The following ERBIN variants were observed in gnomAD, a reference collection of about 807,000 sequenced individuals.
The protein encoded by ERBIN is densin-180-like protein.
In ERBIN, 60 loss-of-function variants were observed where a neutral mutation model predicts 158.4. That is an observed-to-expected ratio of 0.38 (90% CI 0.31 to 0.47). The LOEUF (loss-of-function observed/expected upper bound fraction) is 0.47. ERBIN is among the 20% of genes least tolerant of loss of function. The pLI is 0.99. For synonymous variants in ERBIN, 594 were observed against 557.2 expected, an observed-to-expected ratio of 1.07 and a Z score of -0.93; for missense variants, 1,610 against 1,648.0, an observed-to-expected ratio of 0.98 and a Z score of 0.40.
chr5:66,023,698 CAG>C (rs1348128977), intron 9 of ERBIN, among the ~76,000 whole-genome samples: 2 of 136,254 alleles, frequency 1.5e-5, no homozygotes, highest in African/African-American at 5.6e-5. Context: ...TTTTTTGAGA[CAG>C]AGTCTCGCTC....
At chr5:65,999,830 T>C (rs982841123) in intron 4 of ERBIN, among the ~76,000 whole-genome samples, 1 of 152,362 alleles carries the variant, frequency 6.6e-6, no homozygotes, top group East Asian at 1.9e-4. Flanking sequence ...GTATTAGTGC[T>C]TGGTGGTGCC....
intron 1 of ERBIN, among the ~76,000 whole-genome samples, chr5:65,949,971 A>G (rs1381159886): frequency 6.6e-6 from 1 of 150,680 alleles, no homozygotes; most frequent in Non-Finnish European, 1.5e-5. Context: ...TACAGTATGC[A>G]GGAACCTAAA....
chr5:65,952,065 C>G (rs251608), intron 1 of ERBIN, among the ~76,000 whole-genome samples: 1 of 152,022 alleles, frequency 6.6e-6, no homozygotes, highest in Admixed American at 6.5e-5. Flanking sequence ...CATTAGGACT[C>G]ATGTTCTGTG....
intron 21 of ERBIN, among the ~76,000 whole-genome samples, chr5:66,062,759 G>A (rs1265608879): frequency 6.6e-6 from 1 of 152,166 alleles, no homozygotes; most frequent in Non-Finnish European, 1.5e-5. Context: ...CCTTCTAATA[G>A]TCACAACCCT....
chr5:66,078,784 AAACCT>A lies in ERBIN; in HGVS notation c.*255_*259del. 2.4e-6 allele frequency: 1 copy of A among 419,930 alleles called. No individual in the cohort carries two copies. The highest frequency in any genetic ancestry group is 4.2e-6 in the Non-Finnish European group (1 of 237,934). 26.0% of individuals were successfully genotyped at this position (419,930 alleles called of 1,614,324 possible). A position where few individuals can be genotyped will look rare whatever the true frequency, so the allele number is the denominator to read the frequency against. On this transcript the variant is annotated 3_prime_UTR_variant, in exon 26 of 26. Transcript: ENST00000284037. The stretch of plus-strand genomic sequence containing the variant: ...ACATAGCAATCAAGGCTACAAAAAC[AAACCT>A]GTGTTGTTTTTGTATAGATTGTAGG...
Position 66,025,934 on chromosome 5 carries a change from C to CTT in ERBIN, c.980_981dup (p.Ala328LeufsTer21). The CTT allele has an allele frequency of 6.3e-7, 1 of 1,593,840 alleles. No individual in the cohort carries two copies. Among genetic ancestry groups the CTT allele is most frequent in the Non-Finnish European group, 8.5e-7 (1 of 1,171,600 alleles). ...ATTGGGCAGCTTACTAACTTAAGAACTTTTGCTGCTGATCATAATTACTTA... is the reference window on the plus strand; with the variant it reads ...ATTGGGCAGCTTACTAACTTAAGAACTTTTTTGCTGCTGATCATAATTACTTA... On this transcript the variant is annotated frameshift_variant, in exon 12 of 26. Coordinates refer to ENST00000284037, the MANE Select transcript of ERBIN (RefSeq NM_001253697.2). LOFTEE classifies it high-confidence loss of function.
At chr5:65,959,003 A>G (rs956754833) in intron 1 of ERBIN, among the ~76,000 whole-genome samples, 2 of 152,208 alleles carry the variant, frequency 1.3e-5, no homozygotes, top group African/African-American at 4.8e-5. Context: ...CCCCATTATA[A>G]GACAAGGAGC....
rs1368811367 is a variant in ERBIN at position 65,940,569 on chromosome 5, C to CTACT, written c.-58+13763_-58+13764insTACT. On this transcript the variant is annotated intron_variant, in intron 1 of 25. Transcript: ENST00000284037. ...GCCGCCCCGTCCGGGAGGTGAGGGG[C>CTACT]GCCTCTGCCCGGCCGCCCCTACTGG... 1.3e-3 allele frequency among the ~76,000 whole-genome samples: 162 copies of CTACT among 121,142 alleles called. 8 individuals carry two copies. Among genetic ancestry groups the CTACT allele is most frequent in the African/African-American group, 5.4e-3 (139 of 25,522 alleles). The allele number at this position is 121,142 out of a possible 152,430, so 79.5% of individuals were successfully genotyped here.
At chr5:65,981,324 TAAAG>T (rs981003931) in intron 1 of ERBIN, among the ~76,000 whole-genome samples, 3 of 151,962 alleles carry the variant, frequency 2.0e-5, no homozygotes, top group South Asian at 2.1e-4. Flanking sequence ...TAAAGTTTAA[TAAAG>T]AAACAAGGAT....
intron 1 of ERBIN, among the ~76,000 whole-genome samples, chr5:65,940,517 G>C (rs1312487097): frequency 1.0e-5 from 1 of 100,102 alleles, no homozygotes; most frequent in Non-Finnish European, 2.1e-5. Context: ...GGAGGGAGGT[G>C]GGGGGGGTCA....
At chr5:65,966,207 A>G (rs558122458) in intron 1 of ERBIN, among the ~76,000 whole-genome samples, 1 of 152,350 alleles carries the variant, frequency 6.6e-6, no homozygotes, top group Non-Finnish European at 1.5e-5. Flanking sequence ...AAAGTGTATT[A>G]CATGACTCAT....
intron 4 of ERBIN, among the ~76,000 whole-genome samples, chr5:65,997,007 A>G (rs1283254163): frequency 6.6e-6 from 1 of 151,070 alleles, no homozygotes; most frequent in Non-Finnish European, 1.5e-5. Context: ...AATTTATTCT[A>G]ACAGTATTTT....
At chr5:66,048,931 C>G in intron 19 of ERBIN, 150 bp downstream of exon 19, 1 of 536,100 alleles carries the variant, frequency 1.9e-6, no homozygotes, top group Non-Finnish European at 3.3e-6. Context: ...CTCTTTCCTT[C>G]TCTCTCATTT....
At chr5:66,021,627 A>G (rs756229106) in intron 8 of ERBIN, among the ~76,000 whole-genome samples, 37 of 151,980 alleles carry the variant, frequency 2.4e-4, no homozygotes, top group Non-Finnish European at 5.3e-4. Context: ...AAGAGATACT[A>G]AACAATTTTT....
intron 25 of ERBIN, among the ~76,000 whole-genome samples, chr5:66,077,786 A>AGT (rs1269619206): frequency 3.9e-4 from 51 of 130,376 alleles, no homozygotes; most frequent in African/African-American, 1.6e-3. Flanking sequence ...ACACACACAC[A>AGT]CACACACATA....
chr5:66,027,811 C>G (rs570595162), intron 13 of ERBIN, among the ~76,000 whole-genome samples: 1 of 151,980 alleles, frequency 6.6e-6, no homozygotes, highest in Non-Finnish European at 1.5e-5. Context: ...TCATTATCAT[C>G]TTAGGGTAGT....
intron 14 of ERBIN, among the ~76,000 whole-genome samples, chr5:66,030,864 C>A (rs1288907084): frequency 6.6e-6 from 1 of 152,124 alleles, no homozygotes; most frequent in Non-Finnish European, 1.5e-5. Flanking sequence ...AACCACCATG[C>A]CTGGCCTGCA....
intron 1 of ERBIN, among the ~76,000 whole-genome samples, chr5:65,950,230 C>T (rs1422251662): frequency 6.6e-6 from 1 of 152,150 alleles, no homozygotes; most frequent in Non-Finnish European, 1.5e-5. Flanking sequence ...TGGTCTCGAT[C>T]TCCTGACCTC....
At chr5:65,987,861 C>G (rs972107006) in intron 1 of ERBIN, among the ~76,000 whole-genome samples, 9 of 149,702 alleles carry the variant, frequency 6.0e-5, no homozygotes, top group African/African-American at 2.2e-4. Flanking sequence ...AAAAAAAAAT[C>G]TTAGAAGGGA....
Sources: allele counts gnomAD v4.1 joint callset (sites outside exome capture counted in the v4.1 genomes callset), GRCh38; gene constraint gnomAD v4.1.1; transcripts MANE v1.5; gene names NCBI Gene and HGNC (gene_info 2026-07-23, HGNC 2026-07-21).